BCR: variants seen among roughly 807,000 people sequenced by gnomAD.
The protein encoded by BCR is BCR activator of RhoGEF and GTPase.
BCR carries 58 observed loss-of-function variants against 138.6 expected under a neutral mutation model. That is an observed-to-expected ratio of 0.42 (90% CI 0.34 to 0.52). BCR has a LOEUF of 0.52. Ranked by LOEUF, BCR falls within the 20% of genes least tolerant of loss-of-function variation. The probability of loss-of-function intolerance (pLI) is 0.06; values close to 1 mark genes in which losing one functional copy is unlikely to be tolerated. For missense variants in BCR, 1,599 were observed against 1,727.2 expected (o/e 0.93, Z 1.32); for synonymous variants, 786 against 730.1 (o/e 1.08, Z -1.23).
At chr22:23,249,394 T>C (rs1001101803) in intron 1 of BCR, among the ~76,000 whole-genome samples, 2 of 146,280 alleles carry the variant, frequency 1.4e-5, no homozygotes, top group Non-Finnish European at 3.0e-5. Context: ...ATCGCGCCAC[T>C]GCACTCCAGC....
intron 1 of BCR, among the ~76,000 whole-genome samples, chr22:23,245,707 C>A (rs5751613): frequency 6.6e-6 from 1 of 151,480 alleles, no homozygotes; most frequent in African/African-American, 2.4e-5. Context: ...TATGGCCAGG[C>A]GGTACTGATG....
intron 1 of BCR, among the ~76,000 whole-genome samples, chr22:23,224,898 C>A (rs759557449): frequency 1.1e-4 from 16 of 152,024 alleles, no homozygotes; most frequent in Non-Finnish European, 2.4e-4. Flanking sequence ...AAAAACAAAA[C>A]CTGGACAGAG....
At chr22:23,294,731 T>G (rs1023419972) in intron 15 of BCR, among the ~76,000 whole-genome samples, 5 of 152,154 alleles carry the variant, frequency 3.3e-5, no homozygotes, top group African/African-American at 1.2e-4. Context: ...CCCTGGCGAT[T>G]GTGAGGCAGG....
At position 23,297,207 on chromosome 22, in the gene BCR, G is replaced by GTTTTTTTTT. The variant is rs1307353327; in HGVS notation, c.3012+2058_3012+2059insTTTTTTTTT. 4.7e-4 allele frequency among the ~76,000 whole-genome samples: 46 copies of GTTTTTTTTT among 97,382 alleles called. 3 individuals carry two copies. Among genetic ancestry groups the GTTTTTTTTT allele is most frequent in the Admixed American group, 3.1e-3 (28 of 9,020 alleles). The allele number at this position is 97,382 out of a possible 152,430, so 63.9% of individuals were successfully genotyped here. ...GTGCCCCACCATGCCTGGCTAAGTT[G>GTTTTTTTTT]TTTTTTGTTTTTTGTTTTTTTTTTT... On this transcript the variant is annotated intron_variant, in intron 16 of 22. Transcript: ENST00000305877.
intron 1 of BCR, among the ~76,000 whole-genome samples, chr22:23,205,110 A>G (rs2072596343): frequency 6.6e-6 from 1 of 152,236 alleles, no homozygotes; most frequent in South Asian, 2.1e-4. Context: ...ACCTGGGATC[A>G]GAAGGCAAGG....
intron 1 of BCR, among the ~76,000 whole-genome samples, chr22:23,237,137 G>A (rs985419995): frequency 4.6e-5 from 7 of 152,198 alleles, no homozygotes; most frequent in South Asian, 2.1e-4. Flanking sequence ...TAGCCACGCC[G>A]CCCCTGTTTG....
intron 14 of BCR, 31 bp downstream of exon 14, chr22:23,290,444 G>A (rs752921314): frequency 6.2e-7 from 1 of 1,603,882 alleles, no homozygotes; most frequent in Non-Finnish European, 8.5e-7. Context: ...GAGGGTTGCA[G>A]CGGCCGAGCC....
At chr22:23,204,542 A>G (rs1165718134) in intron 1 of BCR, among the ~76,000 whole-genome samples, 1 of 152,174 alleles carries the variant, frequency 6.6e-6, no homozygotes, top group African/African-American at 2.4e-5. Context: ...GGATGTCCCA[A>G]AGCAGCCTTC....
At chr22:23,257,961 C>T (rs1178937613) in intron 2 of BCR, among the ~76,000 whole-genome samples, 1 of 152,164 alleles carries the variant, frequency 6.6e-6, no homozygotes, top group African/African-American at 2.4e-5. Context: ...GTGTTCTGGG[C>T]ACTGTGCTAG....
intron 13 of BCR, chr22:23,289,924 G>C (rs374931861): frequency 3.9e-6 from 2 of 518,420 alleles, no homozygotes; most frequent in Admixed American, 3.3e-5. Context: ...CCCCACTCCC[G>C]TCCTCCCAGC....
rs1257184354 is a variant in BCR, at chr22:23,220,778, C to T, written c.1280-33021C>T. Among the ~76,000 whole-genome samples, 3 of 152,220 alleles carry T rather than the reference C, an allele frequency of 2.0e-5. No individual in the cohort carries two copies. The East Asian group carries it at 5.8e-4, about 29-fold the overall frequency. The stretch of plus-strand genomic sequence containing the variant: ...AGATGGGGGTAGTAACCTCCACCCT[C>T]ACTGCTTCCTGGAATTGTTGATGCA... On this transcript the variant is annotated intron_variant, in intron 1 of 22. Coordinates refer to ENST00000305877, the MANE Select transcript of BCR (RefSeq NM_004327.4).
intron 4 of BCR, chr22:23,262,859 C>G (rs1248137674): frequency 5.7e-6 from 6 of 1,047,024 alleles, no homozygotes; most frequent in African/African-American, 1.7e-5. Context: ...AAGCCCGGGC[C>G]GCAGACGGCG....
intron 16 of BCR, among the ~76,000 whole-genome samples, chr22:23,301,878 G>A (rs541201725): frequency 1.1e-4 from 16 of 152,286 alleles, no homozygotes; most frequent in African/African-American, 2.9e-4. Context: ...ATTCAGGCTC[G>A]GGGCTGGCTT....
At chr22:23,210,563 G>A (rs994521992) in intron 1 of BCR, among the ~76,000 whole-genome samples, 7 of 152,168 alleles carry the variant, frequency 4.6e-5, no homozygotes, top group South Asian at 2.1e-4. Context: ...GTGTGACAGC[G>A]TTCTGTAGCC....
At chr22:23,187,477 CCTT>C (rs1433396116) in intron 1 of BCR, among the ~76,000 whole-genome samples, 1 of 145,044 alleles carries the variant, frequency 6.9e-6, no homozygotes, top group South Asian at 2.2e-4. Flanking sequence ...AGACGTTTCT[CCTT>C]CTCTTTCTCT....
chr22:23,224,048 T>C (rs2072860444), intron 1 of BCR, among the ~76,000 whole-genome samples: 1 of 152,142 alleles, frequency 6.6e-6, no homozygotes, highest in African/African-American at 2.4e-5. Flanking sequence ...CTTTTCCACA[T>C]GGTCTAAAGG....
At chr22:23,274,263 C>T (rs2146289711) in intron 8 of BCR, among the ~76,000 whole-genome samples, 1 of 152,344 alleles carries the variant, frequency 6.6e-6, no homozygotes, top group East Asian at 1.9e-4. Context: ...CTGGTTGAAG[C>T]ACTTCACGTC....
intron 8 of BCR, among the ~76,000 whole-genome samples, chr22:23,274,908 A>AG (rs1491318981): frequency 1.7e-5 from 1 of 59,362 alleles, no homozygotes; most frequent in Non-Finnish European, 3.5e-5. Flanking sequence ...ACTCCATCTC[A>AG]AAAAAAAAAA....
chr22:23,208,224 C>T (rs919852211), intron 1 of BCR, among the ~76,000 whole-genome samples: 12 of 152,244 alleles, frequency 7.9e-5, no homozygotes, highest in African/African-American at 2.9e-4. Context: ...TGGGCTGGAA[C>T]CCACCCGGCT....
Sources: allele counts gnomAD v4.1 joint callset (sites outside exome capture counted in the v4.1 genomes callset), GRCh38; gene constraint gnomAD v4.1.1; transcripts MANE v1.5; gene names NCBI Gene and HGNC (gene_info 2026-07-23, HGNC 2026-07-21).